Variants in MYO16 observed in about 807,000 individuals in gnomAD.
MYO16 encodes unconventional myosin-XVI.
MYO16 carries 94 observed loss-of-function variants against 205.3 expected under a neutral mutation model. The ratio of observed to expected loss-of-function variants is 0.46; its 90% CI spans 0.39 to 0.54. MYO16 has a LOEUF of 0.54. MYO16 is among the 20% of genes least tolerant of loss of function. The probability of loss-of-function intolerance (pLI) is 0.00; values close to 1 mark genes in which losing one functional copy is unlikely to be tolerated. For synonymous variants in MYO16, 988 were observed against 954.0 expected (o/e 1.04, Z -0.66); for missense variants, 2,315 against 2,387.5 (o/e 0.97, Z 0.63).
the MYO16 span, among the ~76,000 whole-genome samples, chr13:108,504,128 G>C: frequency 6.6e-6 from 1 of 152,108 alleles, no homozygotes; most frequent in Admixed American, 6.5e-5. Context: ...GTTTTGTTTT[G>C]TTTTGTTTTT....
rs549043956 is a variant in MYO16, at chr13:109,169,095, C to A, written c.5323+4036C>A. ...GTGCCCAAGTGTACACGTTATTTAG[C>A]TCCCACTTATAAGTGAGAACATGTA... On this transcript the variant is annotated intron_variant, in intron 33 of 34. Transcript: ENST00000457511. 2.0e-3 allele frequency among the ~76,000 whole-genome samples: 304 copies of A among 152,304 alleles called. 2 individuals carry two copies. Among genetic ancestry groups the A allele is most frequent in the African/African-American group, 7.0e-3 (292 of 41,560 alleles).
At chr13:108,972,249 C>CTCTCTCTCTATATATA (rs1178345437) in intron 20 of MYO16, among the ~76,000 whole-genome samples, 7 of 2,846 alleles carry the variant, frequency 2.5e-3, no homozygotes, top group Non-Finnish European at 3.0e-3. Context: ...CTCTCTCTCT[C>CTCTCTCTCTATATATA]TATATATATA....
chr13:109,058,691 G>A (rs963370382), intron 27 of MYO16, among the ~76,000 whole-genome samples: 4 of 152,220 alleles, frequency 2.6e-5, no homozygotes, highest in Non-Finnish European at 2.9e-5. Flanking sequence ...CAGGCTGATG[G>A]TTGCTGAAGG....
At chr13:108,797,864 T>C (rs1441670347) in intron 6 of MYO16, among the ~76,000 whole-genome samples, 1 of 152,188 alleles carries the variant, frequency 6.6e-6, no homozygotes, top group African/African-American at 2.4e-5. Context: ...GCATACACAC[T>C]TCAGTAGAGA....
chr13:108,861,270 A>G (rs531566468), intron 11 of MYO16, among the ~76,000 whole-genome samples: 2 of 152,314 alleles, frequency 1.3e-5, no homozygotes, highest in South Asian at 4.1e-4. Flanking sequence ...GTGTTTTTTA[A>G]CTTTATATAA....
rs577660273 is a variant in MYO16 at position 108,643,609 on chromosome 13, T to C, written c.28+13737T>C. On this transcript the variant is annotated intron_variant, in intron 1 of 34. Coordinates refer to ENST00000457511, the MANE Select transcript of MYO16 (RefSeq NM_001198950.3). Reference sequence around the variant, plus strand: ...GCATGATGCATCTGGCAATCATCCATGTTGATGCATATATCACAGGTTTAT... The same window carrying C: ...GCATGATGCATCTGGCAATCATCCACGTTGATGCATATATCACAGGTTTAT... Among the ~76,000 whole-genome samples the C allele has an allele frequency of 3.0e-4, 46 of 152,346 alleles. No individual in the cohort carries two copies. In the South Asian group the frequency reaches 7.9e-3, roughly 26 times the overall value.
chr13:109,194,822 A>AT (rs1048574774), intron 34 of MYO16, among the ~76,000 whole-genome samples: 18 of 152,168 alleles, frequency 1.2e-4, no homozygotes, highest in Middle Eastern at 3.4e-3. Flanking sequence ...ATATAGACAG[A>AT]TTTTTTTCTC....
chr13:108,962,388 A>G (rs1883622502), intron 18 of MYO16, 36 bp from the exon 19 acceptor site: 1 of 1,544,026 alleles, frequency 6.5e-7, no homozygotes, highest in Non-Finnish European at 8.9e-7. Context: ...CAAAAAATAT[A>G]CTAACTTTAT....
At chr13:108,651,874 G>C (rs1033618998) in intron 1 of MYO16, among the ~76,000 whole-genome samples, 1 of 152,148 alleles carries the variant, frequency 6.6e-6, no homozygotes, top group African/African-American at 2.4e-5. Context: ...GCTCTATAAA[G>C]AGGGATATAG....
chr13:108,846,502 G>C (rs1438728004), intron 10 of MYO16, among the ~76,000 whole-genome samples: 1 of 129,788 alleles, frequency 7.7e-6, no homozygotes, highest in Non-Finnish European at 1.7e-5. Context: ...ACACATACAT[G>C]TGTGTATATA....
chr13:109,018,932 G>C (rs949017858), intron 22 of MYO16, among the ~76,000 whole-genome samples: 2 of 150,564 alleles, frequency 1.3e-5, no homozygotes, highest in Admixed American at 6.6e-5. Context: ...GGCCAGAGCT[G>C]TTCCTATTCG....
At chr13:108,522,021 C>A in the MYO16 span, among the ~76,000 whole-genome samples, 1 of 152,234 alleles carries the variant, frequency 6.6e-6, no homozygotes, top group South Asian at 2.1e-4. Context: ...ATTGTGTACA[C>A]AGGTTTCCCA....
chr13:108,518,402 A>T, the MYO16 span, among the ~76,000 whole-genome samples: 2 of 152,180 alleles, frequency 1.3e-5, no homozygotes. Context: ...AAACAGGAAT[A>T]GCATCTGCCT....
At chr13:108,844,524 T>C (rs1877419257) in intron 10 of MYO16, 31 bp downstream of exon 10, 1 of 1,547,492 alleles carries the variant, frequency 6.5e-7, no homozygotes. Flanking sequence ...TGTCTACCAG[T>C]ACTTTTTCAT....
rs568054141 is a variant in MYO16 at position 108,967,153 on chromosome 13, A to ATG, written c.2369+2252_2369+2253insGT. Among the ~76,000 whole-genome samples the ATG allele has an allele frequency of 5.0e-3, 754 of 150,956 alleles. 7 individuals are homozygous for ATG. The highest frequency in any genetic ancestry group is 0.017 in the African/African-American group (697 of 40,912). On this transcript the variant is annotated intron_variant, in intron 20 of 34. Transcript: ENST00000457511. ...ATACAGACATGTATACTGACTATAT[A>ATG]TATGTGTGTGTGTGTGTGTGTGTGT...
chr13:109,160,322 G>C (rs762869285), intron 32 of MYO16, among the ~76,000 whole-genome samples: 1 of 152,084 alleles, frequency 6.6e-6, no homozygotes, highest in African/African-American at 2.4e-5. Flanking sequence ...ATTTGCTCTC[G>C]CTAGATTAAA....
chr13:108,576,794 C>T, the MYO16 span, among the ~76,000 whole-genome samples: 2 of 152,108 alleles, frequency 1.3e-5, no homozygotes, highest in Non-Finnish European at 2.9e-5. Flanking sequence ...CAGGATCTCG[C>T]TGTGTTGCCC....
intron 23 of MYO16, among the ~76,000 whole-genome samples, chr13:109,042,658 A>G (rs1048662008): frequency 2.6e-5 from 4 of 152,202 alleles, no homozygotes; most frequent in Non-Finnish European, 4.4e-5. Flanking sequence ...TCATCTGTCA[A>G]CTCAAATCCT....
At chr13:108,636,619 C>T (rs561191591) in intron 1 of MYO16, among the ~76,000 whole-genome samples, 1 of 152,222 alleles carries the variant, frequency 6.6e-6, no homozygotes, top group African/African-American at 2.4e-5. Context: ...ACCTCTTGAT[C>T]TGCCCGCCTT....
Sources: allele counts gnomAD v4.1 joint callset (sites outside exome capture counted in the v4.1 genomes callset), GRCh38; gene constraint gnomAD v4.1.1; transcripts MANE v1.5; gene names NCBI Gene and HGNC (gene_info 2026-07-23, HGNC 2026-07-21).